PHACTR3: variants seen among roughly 807,000 people sequenced by gnomAD.
PHACTR3 encodes the protein protein phosphatase 1, regulatory subunit 123.
PHACTR3 carries 16 observed loss-of-function variants against 66.8 expected under a neutral mutation model. That is an observed-to-expected ratio of 0.24 (90% CI 0.16 to 0.36). The LOEUF is 0.36. PHACTR3 is among the 10% of genes least tolerant of loss of function. The probability of loss-of-function intolerance (pLI) is 1.00; values close to 1 mark genes in which losing one functional copy is unlikely to be tolerated. For missense variants in PHACTR3, 647 were observed against 719.9 expected, an observed-to-expected ratio of 0.90 and a Z score of 1.16; for synonymous variants, 323 against 292.1, an observed-to-expected ratio of 1.11 and a Z score of -1.08.
At chr20:59,796,944 G>C (rs1405042396) in intron 7 of PHACTR3, among the ~76,000 whole-genome samples, 1 of 152,096 alleles carries the variant, frequency 6.6e-6, no homozygotes, top group Admixed American at 6.6e-5. Flanking sequence ...TAAGTTTTCT[G>C]TGTTTTTATC....
chr20:59,785,158 G>T (rs935910780), intron 7 of PHACTR3, among the ~76,000 whole-genome samples: 3 of 152,182 alleles, frequency 2.0e-5, no homozygotes, highest in Admixed American at 6.5e-5. Context: ...AACGACAGAC[G>T]TTTGTTTTCT....
intron 8 of PHACTR3, among the ~76,000 whole-genome samples, chr20:59,812,180 C>T (rs984041167): frequency 1.3e-5 from 2 of 152,202 alleles, no homozygotes; most frequent in African/African-American, 4.8e-5. Flanking sequence ...GTAATTTTGC[C>T]CGAAGAGAGA....
chr20:59,839,050 AAAGAT>A (rs1166252588), intron 9 of PHACTR3, among the ~76,000 whole-genome samples: 1 of 152,130 alleles, frequency 6.6e-6, no homozygotes, highest in East Asian at 1.9e-4. Flanking sequence ...AAAAAAAAAA[AAAGAT>A]CTGACTTTGT....
chr20:59,780,479 A>G (rs1418563330), intron 7 of PHACTR3, among the ~76,000 whole-genome samples: 2 of 152,280 alleles, frequency 1.3e-5, no homozygotes, highest in East Asian at 1.9e-4. Context: ...GTGTCCTCAC[A>G]TGGCAGAAGG....
chr20:59,632,633 C>T (rs569028855), intron 1 of PHACTR3, among the ~76,000 whole-genome samples: 6 of 152,284 alleles, frequency 3.9e-5, no homozygotes, highest in African/African-American at 7.2e-5. Flanking sequence ...GGCGCACCCC[C>T]GGGCTTCTCA....
At chr20:59,615,437 T>C (rs1267580687) in intron 1 of PHACTR3, among the ~76,000 whole-genome samples, 1 of 152,230 alleles carries the variant, frequency 6.6e-6, no homozygotes, top group African/African-American at 2.4e-5. Flanking sequence ...GCTCATGGTC[T>C]GGCTAGGGGC....
At chr20:59,730,180 T>G (rs1464411936) in intron 1 of PHACTR3, among the ~76,000 whole-genome samples, 3 of 152,134 alleles carry the variant, frequency 2.0e-5, no homozygotes, top group Non-Finnish European at 4.4e-5. Context: ...ATAAAACTAA[T>G]GAACACATAC....
chr20:59,729,509 G>A (rs2038690529), intron 1 of PHACTR3, among the ~76,000 whole-genome samples: 1 of 152,116 alleles, frequency 6.6e-6, no homozygotes, highest in Non-Finnish European at 1.5e-5. Flanking sequence ...AAGAGCGAGG[G>A]GCCAGAGCTA....
chr20:59,760,724 C>G (rs561270012), intron 4 of PHACTR3, among the ~76,000 whole-genome samples: 1 of 152,244 alleles, frequency 6.6e-6, no homozygotes, highest in African/African-American at 2.4e-5. Context: ...GCCACACCAG[C>G]AACAGAGCAT....
intron 1 of PHACTR3, among the ~76,000 whole-genome samples, chr20:59,650,740 CAAA>C (rs34879994): frequency 1.3e-4 from 8 of 61,476 alleles, no homozygotes; most frequent in Non-Finnish European, 1.9e-4. Flanking sequence ...GCGTTGATAG[CAAA>C]AAAAAAAAAA....
chr20:59,837,426 T>C (rs529806695), intron 9 of PHACTR3, among the ~76,000 whole-genome samples: 1 of 152,216 alleles, frequency 6.6e-6, no homozygotes, highest in East Asian at 1.9e-4. Flanking sequence ...CTTGTTGGTC[T>C]GGGTACTGAA....
chr20:59,753,020 C>T (rs779812856), intron 3 of PHACTR3, among the ~76,000 whole-genome samples: 3 of 152,166 alleles, frequency 2.0e-5, no homozygotes, highest in South Asian at 4.1e-4. Flanking sequence ...TTTGTCTACT[C>T]GGTGAGCTCT....
chr20:59,837,793 A>G (rs888856937), intron 9 of PHACTR3, among the ~76,000 whole-genome samples: 1 of 152,230 alleles, frequency 6.6e-6, no homozygotes, highest in African/African-American at 2.4e-5. Flanking sequence ...TTCAAGACAC[A>G]GGAAGCACCA....
chr20:59,759,074 C>T (rs566130705), intron 4 of PHACTR3, among the ~76,000 whole-genome samples: 8 of 152,284 alleles, frequency 5.3e-5, no homozygotes, highest in South Asian at 2.1e-4. Flanking sequence ...CGCACTAACA[C>T]GCATTATTTA....
intron 1 of PHACTR3, among the ~76,000 whole-genome samples, chr20:59,627,251 C>T (rs1465824004): frequency 6.6e-6 from 1 of 152,146 alleles, no homozygotes; most frequent in Admixed American, 6.5e-5. Context: ...GTGGGTTTGC[C>T]CTTCCTCCCT....
At chr20:59,812,421 G>A (rs1452684128) in intron 8 of PHACTR3, among the ~76,000 whole-genome samples, 2 of 152,190 alleles carry the variant, frequency 1.3e-5, no homozygotes, top group African/African-American at 4.8e-5. Flanking sequence ...CCGGGCTGTG[G>A]CCTCCCACTC....
At chr20:59,651,804 A>C (rs1286857770) in intron 1 of PHACTR3, among the ~76,000 whole-genome samples, 1 of 152,056 alleles carries the variant, frequency 6.6e-6, no homozygotes, top group Non-Finnish European at 1.5e-5. Flanking sequence ...TTTTCCAGAG[A>C]AACCCAACCA....
At chr20:59,607,630 C>A (rs990447835) in intron 1 of PHACTR3, among the ~76,000 whole-genome samples, 12 of 152,230 alleles carry the variant, frequency 7.9e-5, no homozygotes, top group African/African-American at 2.2e-4. Flanking sequence ...CCAGAGGTTA[C>A]CCCTGCTGGG....
At chr20:59,578,828 C>T (rs968805071) in intron 1 of PHACTR3, among the ~76,000 whole-genome samples, 1 of 152,188 alleles carries the variant, frequency 6.6e-6, no homozygotes, top group Non-Finnish European at 1.5e-5. Context: ...CTGTGGTGCC[C>T]TTGGAGGAGA....
Sources: gnomAD v4.1 joint callset for allele counts (sites outside exome capture counted in the v4.1 genomes callset) on GRCh38, gnomAD v4.1.1 for gene constraint, MANE v1.5 for transcripts, NCBI Gene and HGNC (gene_info 2026-07-23, HGNC 2026-07-21) for gene names.